ATP2B4: variants seen among roughly 807,000 people sequenced by gnomAD.
ATP2B4 encodes plasma membrane calcium-transporting ATPase 4.
Under a neutral mutation model 110.3 loss-of-function variants are expected in ATP2B4, and 39 were observed. The ratio of observed to expected loss-of-function variants is 0.35; its 90% confidence interval spans 0.27 to 0.46. The LOEUF (loss-of-function observed/expected upper bound fraction) is 0.46. ATP2B4 is among the 20% of genes least tolerant of loss of function. ATP2B4 has a pLI of 1.00. For missense variants in ATP2B4, 1,135 were observed against 1,530.9 expected, an observed-to-expected ratio of 0.74 and a Z score of 4.32; for synonymous variants, 538 against 571.7, an observed-to-expected ratio of 0.94 and a Z score of 0.84.
chr1:203,670,779 C>T (rs141329823), intron 1 of ATP2B4, among the ~76,000 whole-genome samples: 2 of 152,216 alleles, frequency 1.3e-5, no homozygotes, highest in African/African-American at 2.4e-5. Flanking sequence ...CTAACCAGGG[C>T]TGTCAGTTAG....
intron 20 of ATP2B4, chr1:203,729,762 C>T (rs1666644729): frequency 1.3e-5 from 18 of 1,342,808 alleles, no homozygotes; most frequent in Non-Finnish European, 1.7e-5. Flanking sequence ...TCCAATTGGG[C>T]AGGCATTGGA....
In ATP2B4 at chr1:203,695,069, G is replaced by A. The variant is rs897224233; in HGVS notation, c.194-3088G>A. Among the ~76,000 whole-genome samples the A allele has an allele frequency of 3.3e-5, 5 of 152,122 alleles. No individual in the cohort carries two copies. In the East Asian group the frequency reaches 5.8e-4, roughly 18 times the overall value. ...GAGGGTTTCATTAGGCTATTGGGGTGCACCTTATGATCTTTAATATCTGAT... is the reference window on the plus strand; with the variant it reads ...GAGGGTTTCATTAGGCTATTGGGGTACACCTTATGATCTTTAATATCTGAT... On this transcript the variant is annotated intron_variant, in intron 2 of 20. Coordinates refer to ENST00000357681, the MANE Select transcript of ATP2B4 (RefSeq NM_001684.5).
chr1:203,694,001 C>T (rs1665461458), intron 2 of ATP2B4, among the ~76,000 whole-genome samples: 1 of 152,140 alleles, frequency 6.6e-6, no homozygotes, highest in Non-Finnish European at 1.5e-5. Flanking sequence ...GGCATAGACT[C>T]TGCCACTTAA....
intron 1 of ATP2B4, among the ~76,000 whole-genome samples, chr1:203,661,148 G>A (rs1664327385): frequency 1.3e-5 from 2 of 151,772 alleles, no homozygotes. Context: ...AATGGGTAGT[G>A]ATCTGGGATT....
intron 1 of ATP2B4, among the ~76,000 whole-genome samples, chr1:203,668,384 C>A (rs1395618508): frequency 6.6e-6 from 1 of 152,140 alleles, no homozygotes; most frequent in African/African-American, 2.4e-5. Flanking sequence ...CATACTACAT[C>A]CTGACTTTGG....
At chr1:203,702,909 T>G (rs1255827884) in intron 7 of ATP2B4, among the ~76,000 whole-genome samples, 6 of 152,224 alleles carry the variant, frequency 3.9e-5, no homozygotes, top group Non-Finnish European at 8.8e-5. Flanking sequence ...TTCTTTAATT[T>G]TAGGTCTTTA....
chr1:203,722,827 T>G (rs1054718261), intron 18 of ATP2B4, 138 bp downstream of exon 18: 21 of 800,082 alleles, frequency 2.6e-5, no homozygotes, highest in Non-Finnish European at 3.9e-5. Context: ...CACTTTGGGA[T>G]TCCCAATCTG....
At chr1:203,691,547 G>A (rs1665373476) in intron 2 of ATP2B4, among the ~76,000 whole-genome samples, 1 of 152,230 alleles carries the variant, frequency 6.6e-6, no homozygotes, top group African/African-American at 2.4e-5. Flanking sequence ...ATAAAGGGAA[G>A]CATGCCCTGA....
At chr1:203,663,841 C>G (rs1312136039) in intron 1 of ATP2B4, among the ~76,000 whole-genome samples, 2 of 152,062 alleles carry the variant, frequency 1.3e-5, no homozygotes, top group African/African-American at 4.8e-5. Flanking sequence ...TGGCCTCAAG[C>G]GATCCTCCTG....
In ATP2B4 at chr1:203,742,230, C is replaced by A. The variant is rs556700964; in HGVS notation, c.*2376C>A. ...GCACATAACCAGCTGTTTGGCATGA[C>A]AGGTGACTTAGTATATTTGTAATTG... On this transcript the variant is annotated 3_prime_UTR_variant, in exon 21 of 21. Transcript: ENST00000357681. 1 of 152,706 alleles carries A rather than the reference C, an allele frequency of 6.5e-6. No individual in the cohort carries two copies. Among genetic ancestry groups the A allele is most frequent in the East Asian group, 1.9e-4 (1 of 5,192 alleles). The allele number at this position is 152,706 out of a possible 1,614,324, so 9.5% of individuals were successfully genotyped here.
intron 11 of ATP2B4, 50 bp from the exon 12 acceptor site, chr1:203,710,827 C>A: frequency 7.3e-7 from 1 of 1,377,594 alleles, no homozygotes; most frequent in Non-Finnish European, 1.0e-6. Flanking sequence ...ATTGTAGAAA[C>A]GTATTGAGTG....
Position 203,649,083 on chromosome 1 carries a change from A to G in ATP2B4, c.-465+21864A>G, listed in dbSNP as rs183553733. Among the ~76,000 whole-genome samples, 366 of 152,258 alleles carry G rather than the reference A, an allele frequency of 2.4e-3. 6 individuals carry two copies. Among genetic ancestry groups the G allele is most frequent in the East Asian group, 5.8e-4 (3 of 5,174 alleles). On this transcript the variant is annotated intron_variant, in intron 1 of 20. Transcript: ENST00000357681. ...TCATGGAGTGCCTACAAATATACAG[A>G]TTCGTATTTATGGAGATTTTTGCAT...
At chr1:203,647,784 G>T (rs1329405295) in intron 1 of ATP2B4, among the ~76,000 whole-genome samples, 3 of 151,070 alleles carry the variant, frequency 2.0e-5, no homozygotes, top group Non-Finnish European at 4.4e-5. Flanking sequence ...ATGAAGAAAT[G>T]ATTAGGAAAA....
rs552560817 is a variant in ATP2B4, at chr1:203,708,027, G to A, written c.1480G>A (p.Asp494Asn). The change falls in exon 10 of 21, where the codon GAT becomes AAT. Residue 494 changes from aspartate to asparagine, a missense_variant. This residue lies in a region of ATP2B4 where 368 missense variants were observed against 455.9 expected (regional missense o/e 0.81). Coordinates refer to ENST00000357681, the MANE Select transcript of ATP2B4 (RefSeq NM_001684.5). ...CCATTACCGTCAAATCCCAAGCCCT[G>A]ATGTCTTCCTGCCCAAAGTCCTGGA... Reference protein sequence around the residue: ...GIHYRQIPSPDVFLPKVLDLI... With the variant: ...GIHYRQIPSPNVFLPKVLDLI... 19 of 1,614,176 alleles carry A rather than the reference G, an allele frequency of 1.2e-5. No individual in the cohort carries two copies. The South Asian group carries it at 1.8e-4, about 15-fold the overall frequency.
rs184189895 is a variant in ATP2B4, at chr1:203,676,127, G to A, written c.-464-6615G>A. Among the ~76,000 whole-genome samples, 1,194 of 152,226 alleles carry A rather than the reference G, an allele frequency of 7.8e-3. 14 individuals carry two copies. Among genetic ancestry groups the A allele is most frequent in the African/African-American group, 0.026 (1,082 of 41,524 alleles). On this transcript the variant is annotated intron_variant, in intron 1 of 20. Coordinates refer to ENST00000357681, the MANE Select transcript of ATP2B4 (RefSeq NM_001684.5). Reference sequence around the variant, plus strand: ...GCTTCCTGGCTTGGGTGTGGCTGTCGGATGATGATGACAAGTGGTCCCACC... The same window carrying A: ...GCTTCCTGGCTTGGGTGTGGCTGTCAGATGATGATGACAAGTGGTCCCACC...
At chr1:203,654,592 A>AT (rs1330453281) in intron 1 of ATP2B4, among the ~76,000 whole-genome samples, 5 of 152,210 alleles carry the variant, frequency 3.3e-5, no homozygotes, top group African/African-American at 1.2e-4. Flanking sequence ...TCTAGAGGCC[A>AT]TTAAGAACAT....
At chr1:203,714,410 C>T (rs926301274) in intron 15 of ATP2B4, 133 bp downstream of exon 15, 1 of 805,950 alleles carries the variant, frequency 1.2e-6, no homozygotes, top group East Asian at 2.6e-5. Flanking sequence ...CTCCATCTCT[C>T]CTATCTACCG....
chr1:203,666,792 A>C (rs1664517356), intron 1 of ATP2B4, among the ~76,000 whole-genome samples: 1 of 152,206 alleles, frequency 6.6e-6, no homozygotes, highest in Non-Finnish European at 1.5e-5. Context: ...CCTTAGGAAG[A>C]AAAAGGCAGT....
chr1:203,688,610 A>T (rs976945200), intron 2 of ATP2B4, among the ~76,000 whole-genome samples: 1 of 152,096 alleles, frequency 6.6e-6, no homozygotes, highest in African/African-American at 2.4e-5. Flanking sequence ...CCTCAGCCCA[A>T]TGTTTTGATA....
Sources: allele counts gnomAD v4.1 joint callset (sites outside exome capture counted in the v4.1 genomes callset), GRCh38; gene constraint gnomAD v4.1.1; regional missense constraint gnomAD v4.1.1; transcripts MANE v1.5; gene names NCBI Gene and HGNC (gene_info 2026-07-23, HGNC 2026-07-21).